The following AMER1 variants were observed in gnomAD, a reference collection of about 807,000 sequenced individuals.
The protein encoded by AMER1 is APC membrane recruitment protein 1, also known as RP11-403E24.2.
AMER1 carries 16 observed loss-of-function variants against 53.0 expected under a neutral mutation model. The ratio of observed to expected loss-of-function variants is 0.30; its 90% CI spans 0.20 to 0.46. The LOEUF (loss-of-function observed/expected upper bound fraction) is 0.46. Ranked by LOEUF, AMER1 falls within the 20% of genes least tolerant of loss-of-function variation. The probability of loss-of-function intolerance (pLI) is 1.00; values close to 1 mark genes in which losing one functional copy is unlikely to be tolerated. For missense variants in AMER1, 947 were observed against 884.9 expected, an observed-to-expected ratio of 1.07 and a Z score of -0.89; for synonymous variants, 354 against 331.9, an observed-to-expected ratio of 1.07 and a Z score of -0.73.
chrX:64,201,124 C>T (rs763204198), intron 1 of AMER1, among the ~76,000 whole-genome samples: 1 of 111,355 alleles, frequency 9.0e-6, no homozygotes, highest in East Asian at 2.8e-4. Flanking sequence ...TATGACCACA[C>T]CAAGCCCCTC....
At position 64,188,861 on chromosome X, in the gene AMER1, A is replaced by G. The variant is rs1930161037; in HGVS notation, c.*1018T>C. 1.2e-6 allele frequency: 1 copy of G among 804,983 alleles called. No individual in the cohort carries two copies. Among genetic ancestry groups the G allele is most frequent in the Non-Finnish European group, 1.5e-6 (1 of 671,461 alleles). The allele number at this position is 804,983 out of a possible 1,213,427, so 66.3% of individuals were successfully genotyped here. ...AGGTTGCTTCTCTTCCCTTATCTCA[A>G]TTAAAAGACCGTGTTCCTTGTGATG... On this transcript the variant is annotated 3_prime_UTR_variant, in exon 2 of 2. Coordinates refer to ENST00000374869, the MANE Select transcript of AMER1 (RefSeq NM_152424.4).
intron 1 of AMER1, among the ~76,000 whole-genome samples, chrX:64,203,415 T>C (rs1265117829): frequency 9.0e-6 from 1 of 111,603 alleles, no homozygotes. Flanking sequence ...GAACAATCAT[T>C]AACTGCTCTG....
Position 64,188,358 on chromosome X carries a change from C to G in AMER1, c.*1521G>C. ...GTGATTAATGAGAGGTTGAGCTTGGCAAGATTAGCCTGTTCCAATGTCTTC... is the reference window on the plus strand; with the variant it reads ...GTGATTAATGAGAGGTTGAGCTTGGGAAGATTAGCCTGTTCCAATGTCTTC... On this transcript the variant is annotated 3_prime_UTR_variant, in exon 2 of 2. Coordinates refer to ENST00000374869, the MANE Select transcript of AMER1 (RefSeq NM_152424.4). 2.5e-6 allele frequency: 2 copies of G among 802,903 alleles called. No individual in the cohort carries two copies. The highest frequency in any genetic ancestry group is 3.0e-6 in the Non-Finnish European group (2 of 668,967). 66.2% of individuals were successfully genotyped at this position (802,903 alleles called of 1,213,427 possible). A position where few individuals can be genotyped will look rare whatever the true frequency, so the allele number is the denominator to read the frequency against.
chrX:64,190,537 T>A lies in AMER1; in HGVS notation c.2750A>T (p.Glu917Val), dbSNP rs1602066791. ...SNSHLVQGYLESDELQAQQED... is the reference protein window; with the variant it reads ...SNSHLVQGYLVSDELQAQQED... ...CTGCTGGGCCTGCAGCTCATCAGAC[T>A]CGAGGTAGCCCTGGACCAAGTGGGA... is the stretch of plus-strand genomic sequence containing the variant. The change falls in exon 2 of 2, where the codon GAG becomes GTG. Residue 917 changes from glutamate to valine, a missense_variant. Transcript: ENST00000374869. 8.3e-7 allele frequency: 1 copy of A among 1,210,444 alleles called. No individual in the cohort carries two copies. The highest frequency in any genetic ancestry group is 2.2e-5 in the Admixed American group (1 of 45,864).
intron 1 of AMER1, among the ~76,000 whole-genome samples, chrX:64,195,684 CT>C (rs1382064451): frequency 1.8e-5 from 2 of 112,302 alleles, no homozygotes; most frequent in Non-Finnish European, 3.8e-5. Flanking sequence ...AGATGGAACA[CT>C]TTTATCCCAA....
chrX:64,191,987 G>A lies in AMER1; in HGVS notation c.1300C>T (p.His434Tyr), dbSNP rs756299099. The A allele has an allele frequency of 8.3e-7, 1 of 1,211,929 alleles. No homozygotes were observed. ...GYHPTTSPGH[H>Y]GYMLLDPVRS... is the part of the protein sequence containing the mutation. ...ACTGGGTCAAGGAGCATGTAGCCGT[G>A]GTGGCCTGGGGATGTGGTGGGATGG... is the stretch of plus-strand genomic sequence containing the variant. The change falls in exon 2 of 2, where the codon CAC becomes TAC. Residue 434 changes from histidine to tyrosine, a missense_variant. Coordinates refer to ENST00000374869, the MANE Select transcript of AMER1 (RefSeq NM_152424.4).
chrX:64,189,793 A>ACGGGGGCCCCCCCCCCCCC lies in AMER1; in HGVS notation c.*85_*86insGGGGGGGGGGGGGCCCCCG. 3.4e-6 allele frequency: 1 copy of ACGGGGGCCCCCCCCCCCCC among 292,071 alleles called. No homozygotes were observed. Among genetic ancestry groups the ACGGGGGCCCCCCCCCCCCC allele is most frequent in the East Asian group, 1.7e-4 (1 of 5,962 alleles). 24.1% of individuals were successfully genotyped at this position (292,071 alleles called of 1,213,427 possible). ...CAAAGGGTTTTCAAGTTAAACAACA[A>ACGGGGGCCCCCCCCCCCCC]CCCCCACCCCCCCACCCTTCTGCCC... On this transcript the variant is annotated 3_prime_UTR_variant, in exon 2 of 2. Coordinates refer to ENST00000374869, the MANE Select transcript of AMER1 (RefSeq NM_152424.4).
At position 64,189,793 on chromosome X, in the gene AMER1, A is replaced by ACACC; in HGVS notation, c.*85_*86insGGTG. 3.4e-6 allele frequency: 1 copy of ACACC among 292,073 alleles called. No homozygotes were observed. The highest frequency in any genetic ancestry group is 4.9e-6 in the Non-Finnish European group (1 of 204,832). The allele number at this position is 292,073 out of a possible 1,213,427, so 24.1% of individuals were successfully genotyped here. ...CAAAGGGTTTTCAAGTTAAACAACAACCCCCACCCCCCCACCCTTCTGCCC... is the reference window on the plus strand; with the variant it reads ...CAAAGGGTTTTCAAGTTAAACAACAACACCCCCCCACCCCCCCACCCTTCTGCCC... On this transcript the variant is annotated 3_prime_UTR_variant, in exon 2 of 2. Transcript: ENST00000374869.
intron 1 of AMER1, among the ~76,000 whole-genome samples, chrX:64,203,483 A>C (rs1255678333): frequency 9.0e-6 from 1 of 111,611 alleles, no homozygotes; most frequent in Non-Finnish European, 1.9e-5. Context: ...ACTCCTCCAA[A>C]GGGTTCTGAG....
Position 64,189,793 on chromosome X carries a change from A to ACCTCC in AMER1, c.*85_*86insGGAGG. 3.4e-6 allele frequency: 1 copy of ACCTCC among 292,074 alleles called. No individual in the cohort carries two copies. Among genetic ancestry groups the ACCTCC allele is most frequent in the East Asian group, 1.7e-4 (1 of 5,962 alleles). The allele number at this position is 292,074 out of a possible 1,213,427, so 24.1% of individuals were successfully genotyped here. On this transcript the variant is annotated 3_prime_UTR_variant, in exon 2 of 2. Coordinates refer to ENST00000374869, the MANE Select transcript of AMER1 (RefSeq NM_152424.4). ...CAAAGGGTTTTCAAGTTAAACAACA[A>ACCTCC]CCCCCACCCCCCCACCCTTCTGCCC...
In AMER1 at chrX:64,185,439, T is replaced by C. The variant is rs1930084806; in HGVS notation, c.*4440A>G. On this transcript the variant is annotated 3_prime_UTR_variant, in exon 2 of 2. Coordinates refer to ENST00000374869, the MANE Select transcript of AMER1 (RefSeq NM_152424.4). Reference sequence around the variant, plus strand: ...GACCTAAATATACATTCCTGTTTTATTCCCCCCCACCCCCACCCCCATATA... The same window carrying C: ...GACCTAAATATACATTCCTGTTTTACTCCCCCCCACCCCCACCCCCATATA... The C allele has an allele frequency of 6.1e-6, 1 of 163,767 alleles. No homozygotes were observed. Among genetic ancestry groups the C allele is most frequent in the Non-Finnish European group, 1.2e-5 (1 of 85,967 alleles). 13.5% of individuals were successfully genotyped at this position (163,767 alleles called of 1,213,427 possible). A position where few individuals can be genotyped will look rare whatever the true frequency, so the allele number is the denominator to read the frequency against.
In AMER1 at chrX:64,201,933, C is replaced by T. The variant is rs780392305; in HGVS notation, c.-99+3637G>A. Reference sequence around the variant, plus strand: ...CTCACTGCAGCCTTGATGTCTCAGGCCCAAGAGAGGCTCCTGCCTCAGCCT... The same window carrying T: ...CTCACTGCAGCCTTGATGTCTCAGGTCCAAGAGAGGCTCCTGCCTCAGCCT... On this transcript the variant is annotated intron_variant, in intron 1 of 1. Coordinates refer to ENST00000374869, the MANE Select transcript of AMER1 (RefSeq NM_152424.4). 3.6e-5 allele frequency among the ~76,000 whole-genome samples: 4 copies of T among 112,315 alleles called. No homozygotes were observed. The South Asian group carries it at 1.5e-3, about 42-fold the overall frequency.
At chrX:64,195,619 G>A (rs1017527082) in intron 1 of AMER1, among the ~76,000 whole-genome samples, 2 of 111,948 alleles carry the variant, frequency 1.8e-5, no homozygotes, top group Admixed American at 9.4e-5. Context: ...CTGCGCATGC[G>A]AAGGATCTAG....
chrX:64,202,010 G>C (rs947454078), intron 1 of AMER1, among the ~76,000 whole-genome samples: 1 of 111,560 alleles, frequency 9.0e-6, no homozygotes, highest in African/African-American at 3.3e-5. Context: ...CTAAATTTTT[G>C]TATTTTTTGT....
Position 64,189,793 on chromosome X carries a change from A to AGGGGGGGGC in AMER1, c.*85_*86insGCCCCCCCC. 1.7e-5 allele frequency: 5 copies of AGGGGGGGGC among 292,042 alleles called. No homozygotes were observed. The highest frequency in any genetic ancestry group is 2.4e-5 in the Non-Finnish European group (5 of 204,803). 24.1% of individuals were successfully genotyped at this position (292,042 alleles called of 1,213,427 possible). A position where few individuals can be genotyped will look rare whatever the true frequency, so the allele number is the denominator to read the frequency against. On this transcript the variant is annotated 3_prime_UTR_variant, in exon 2 of 2. Transcript: ENST00000374869. ...CAAAGGGTTTTCAAGTTAAACAACA[A>AGGGGGGGGC]CCCCCACCCCCCCACCCTTCTGCCC...
Position 64,191,522 on chromosome X carries a change from G to A in AMER1, c.1765C>T (p.His589Tyr), listed in dbSNP as rs777108199. The change falls in exon 2 of 2, where the codon CAT becomes TAT. Residue 589 changes from histidine (H) to tyrosine (Y), a missense_variant. Physicochemically the swap from His to Tyr is moderately conservative, Grantham distance 83. Transcript: ENST00000374869. ...TCCCTGGCGTGGGCCTCCCTGGCAT[G>A]AGCTTCTCGGGCACGTGCCTCCTGG... ...EAQEARAREAHAREAHAREAY... is the reference protein window; with the variant it reads ...EAQEARAREAYAREAHAREAY... 1.7e-5 allele frequency: 21 copies of A among 1,212,019 alleles called. No individual in the cohort carries two copies. The Middle Eastern group carries it at 1.4e-3, about 80-fold the overall frequency.
Position 64,191,351 on chromosome X carries a change from G to A in AMER1, c.1936C>T (p.Arg646Trp), listed in dbSNP as rs775711054. 9 of 1,211,664 alleles carry A rather than the reference G, an allele frequency of 7.4e-6. No individual in the cohort carries two copies. The East Asian group carries it at 1.8e-4, about 24-fold the overall frequency. ...TACTCTAAGACGGGCTTCTCCTGCCGGGCCTGGGTCTCTCGGACTTGAGTC... is the reference window on the plus strand; with the variant it reads ...TACTCTAAGACGGGCTTCTCCTGCCAGGCCTGGGTCTCTCGGACTTGAGTC... ...RETQVRETQA[R>W]QEKPVLEYQM... The change falls in exon 2 of 2, where the codon CGG (arginine) becomes TGG (tryptophan). Residue 646 changes from arginine to tryptophan, a missense_variant. Coordinates refer to ENST00000374869, the MANE Select transcript of AMER1 (RefSeq NM_152424.4).
At chrX:64,198,057 C>A (rs899035256) in intron 1 of AMER1, among the ~76,000 whole-genome samples, 5 of 111,924 alleles carry the variant, frequency 4.5e-5, no homozygotes, top group Non-Finnish European at 9.4e-5. Flanking sequence ...GGTAAGTCAC[C>A]AAACCTCCTT....
intron 1 of AMER1, among the ~76,000 whole-genome samples, chrX:64,200,579 G>A (rs1930468037): frequency 8.9e-6 from 1 of 112,026 alleles, no homozygotes; most frequent in East Asian, 2.8e-4. Context: ...GATTGGACCA[G>A]GGAGTCTGCT....
Sources: allele counts gnomAD v4.1 joint callset (sites outside exome capture counted in the v4.1 genomes callset), GRCh38; gene constraint gnomAD v4.1.1; transcripts MANE v1.5; gene names NCBI Gene and HGNC (gene_info 2026-07-23, HGNC 2026-07-21).